XYLT1: variants seen among roughly 807,000 people sequenced by gnomAD.
XYLT1 encodes the protein beta-D-xylosyltransferase 1.
XYLT1 carries 36 observed loss-of-function variants against 91.3 expected under a neutral mutation model. The observed-to-expected ratio is 0.39, with a 90% confidence interval of 0.30 to 0.52. The LOEUF (loss-of-function observed/expected upper bound fraction) is 0.52, where lower values mean the gene tolerates loss of function less well. Ranked by LOEUF, XYLT1 falls within the 20% of genes least tolerant of loss-of-function variation. XYLT1 has a pLI of 0.68. For synonymous variants in XYLT1, 588 were observed against 532.0 expected, an observed-to-expected ratio of 1.11 and a Z score of -1.45; for missense variants, 1,242 against 1,284.5, an observed-to-expected ratio of 0.97 and a Z score of 0.51.
chr16:17,140,418 T>G (rs917256287), intron 7 of XYLT1, among the ~76,000 whole-genome samples: 1 of 152,056 alleles, frequency 6.6e-6, no homozygotes, highest in African/African-American at 2.4e-5. Context: ...CCCAGCACTT[T>G]GAGAGGCTGA....
chr16:17,166,484 G>A (rs1299083175), intron 5 of XYLT1, among the ~76,000 whole-genome samples: 1 of 151,700 alleles, frequency 6.6e-6, no homozygotes, highest in Non-Finnish European at 1.5e-5. Context: ...GACAGTACCT[G>A]CCCCATGGGA....
chr16:17,402,957 T>C (rs987803553), intron 1 of XYLT1, among the ~76,000 whole-genome samples: 2 of 151,350 alleles, frequency 1.3e-5, no homozygotes, highest in Non-Finnish European at 3.0e-5. Context: ...CCAGGATGGA[T>C]ATACCCTATT....
chr16:17,114,818 G>A (rs548340848), intron 11 of XYLT1, among the ~76,000 whole-genome samples: 7 of 113,058 alleles, frequency 6.2e-5, no homozygotes, highest in African/African-American at 2.4e-4. Flanking sequence ...AACTGCATGG[G>A]AACATACAAT....
intron 5 of XYLT1, among the ~76,000 whole-genome samples, chr16:17,165,489 A>G (rs2031655565): frequency 6.6e-6 from 1 of 151,864 alleles, no homozygotes; most frequent in Non-Finnish European, 1.5e-5. Flanking sequence ...GATTGAGACC[A>G]TCCTGGCCAA....
At chr16:17,336,939 G>A (rs1398801453) in intron 2 of XYLT1, among the ~76,000 whole-genome samples, 3 of 152,140 alleles carry the variant, frequency 2.0e-5, no homozygotes, top group Non-Finnish European at 2.9e-5. Flanking sequence ...AAAGCCCTTG[G>A]AAAAGAAAGG....
intron 2 of XYLT1, among the ~76,000 whole-genome samples, chr16:17,285,027 G>A (rs904276278): frequency 2.6e-5 from 4 of 152,320 alleles, no homozygotes; most frequent in Non-Finnish European, 5.9e-5. Context: ...GATCCTGGAA[G>A]AGCCCACTCA....
intron 6 of XYLT1, among the ~76,000 whole-genome samples, chr16:17,142,049 A>T (rs1470113788): frequency 1.3e-5 from 2 of 152,198 alleles, no homozygotes; most frequent in Non-Finnish European, 2.9e-5. Flanking sequence ...GACTACAGGC[A>T]TGCATCACCA....
At chr16:17,345,430 C>G (rs561658029) in intron 2 of XYLT1, among the ~76,000 whole-genome samples, 12 of 152,328 alleles carry the variant, frequency 7.9e-5, no homozygotes, top group South Asian at 4.1e-4. Context: ...CTCTGTGGCA[C>G]AGGGATGCAG....
intron 10 of XYLT1, among the ~76,000 whole-genome samples, chr16:17,118,925 C>G (rs1384363001): frequency 6.6e-6 from 1 of 152,144 alleles, no homozygotes; most frequent in Admixed American, 6.5e-5. Context: ...GCACAGCCAG[C>G]CCCTTATGTC....
At chr16:17,297,279 A>G (rs2034325258) in intron 2 of XYLT1, among the ~76,000 whole-genome samples, 1 of 152,154 alleles carries the variant, frequency 6.6e-6, no homozygotes, top group African/African-American at 2.4e-5. Flanking sequence ...CTTATAATAT[A>G]TATCAGCACG....
intron 3 of XYLT1, among the ~76,000 whole-genome samples, chr16:17,252,502 C>T (rs2033557356): frequency 6.6e-6 from 1 of 152,212 alleles, no homozygotes; most frequent in Admixed American, 6.5e-5. Flanking sequence ...CCACACCTCA[C>T]TGCATCTCCC....
intron 3 of XYLT1, among the ~76,000 whole-genome samples, chr16:17,200,947 A>T (rs1435417936): frequency 6.6e-6 from 1 of 152,190 alleles, no homozygotes; most frequent in Non-Finnish European, 1.5e-5. Context: ...AGGCAGGAGG[A>T]GGTGAGAGCT....
intron 3 of XYLT1, among the ~76,000 whole-genome samples, chr16:17,253,337 T>C (rs2033574332): frequency 6.6e-6 from 1 of 152,092 alleles, no homozygotes; most frequent in Admixed American, 6.5e-5. Context: ...ATGCCAATCT[T>C]ATTAACCAGC....
chr16:17,178,781 C>T (rs1460500789), intron 5 of XYLT1, among the ~76,000 whole-genome samples: 2 of 152,148 alleles, frequency 1.3e-5, no homozygotes, highest in African/African-American at 4.8e-5. Context: ...TTAATAAAAA[C>T]TTTTGAGGCT....
At chr16:17,162,191 T>G (rs1013630029) in intron 5 of XYLT1, among the ~76,000 whole-genome samples, 5 of 152,082 alleles carry the variant, frequency 3.3e-5, no homozygotes, top group African/African-American at 1.2e-4. Flanking sequence ...GTGGGTCACT[T>G]GAGGTCAGGA....
chr16:17,338,621 C>A, intron 2 of XYLT1: 1 of 392,652 alleles, frequency 2.5e-6, no homozygotes. Context: ...GGCCTGCTCA[C>A]ATTCACCCTT....
intron 1 of XYLT1, among the ~76,000 whole-genome samples, chr16:17,445,658 A>G (rs1304240311): frequency 6.6e-6 from 1 of 152,170 alleles, no homozygotes; most frequent in Non-Finnish European, 1.5e-5. Context: ...CTCAATGCAA[A>G]CTCGCCTCAG....
chr16:17,231,898 C>T (rs1284090294), intron 3 of XYLT1, among the ~76,000 whole-genome samples: 1 of 151,610 alleles, frequency 6.6e-6, no homozygotes, highest in Non-Finnish European at 1.5e-5. Context: ...CATTACTGTA[C>T]ATTACTGTAG....
intron 6 of XYLT1, among the ~76,000 whole-genome samples, chr16:17,151,619 T>G (rs1299213346): frequency 2.0e-5 from 3 of 152,140 alleles, no homozygotes; most frequent in Non-Finnish European, 4.4e-5. Flanking sequence ...GGATAATCAG[T>G]GGCACATGTA....
Sources: allele counts gnomAD v4.1 joint callset (sites outside exome capture counted in the v4.1 genomes callset), GRCh38; gene constraint gnomAD v4.1.1; transcripts MANE v1.5; gene names NCBI Gene and HGNC (gene_info 2026-07-23, HGNC 2026-07-21).